Variants in ADCY2 observed in about 807,000 individuals in gnomAD.
The protein encoded by ADCY2 is adenylate cyclase 2.
ADCY2 carries 31 observed loss-of-function variants against 125.2 expected under a neutral mutation model. That is an observed-to-expected ratio of 0.25 (90% CI 0.19 to 0.33). The LOEUF (loss-of-function observed/expected upper bound fraction) is 0.33. Among genes scored for constraint, ADCY2 ranks in the 10% least tolerant of loss-of-function variants. The pLI, the probability that ADCY2 is intolerant of heterozygous loss-of-function variation, is 1.00. For missense variants in ADCY2, 904 were observed against 1,418.2 expected, an observed-to-expected ratio of 0.64 and a Z score of 5.82; for synonymous variants, 512 against 548.4, an observed-to-expected ratio of 0.93 and a Z score of 0.93.
chr5:7,430,109 A>G (rs1211186619), intron 2 of ADCY2, among the ~76,000 whole-genome samples: 2 of 152,176 alleles, frequency 1.3e-5, no homozygotes, highest in Non-Finnish European at 2.9e-5. Flanking sequence ...CACAATATAG[A>G]TAAAATGGGC....
At chr5:7,513,424 T>G (rs1744145378) in intron 2 of ADCY2, among the ~76,000 whole-genome samples, 1 of 152,222 alleles carries the variant, frequency 6.6e-6, no homozygotes, top group South Asian at 2.1e-4. Context: ...TTGCAGATTT[T>G]GTTATCGAAA....
intron 19 of ADCY2, among the ~76,000 whole-genome samples, chr5:7,786,681 G>A (rs998981811): frequency 3.3e-5 from 5 of 152,180 alleles, no homozygotes; most frequent in African/African-American, 1.2e-4. Flanking sequence ...GAAAAAGAAA[G>A]AAGCTTAGTG....
At chr5:7,413,892 A>G (rs1172532437) in intron 1 of ADCY2, among the ~76,000 whole-genome samples, 2 of 152,228 alleles carry the variant, frequency 1.3e-5, no homozygotes, top group African/African-American at 2.4e-5. Flanking sequence ...GTAAAGAAAT[A>G]CATTAGTAAG....
At chr5:7,448,849 T>C (rs183165509) in intron 2 of ADCY2, among the ~76,000 whole-genome samples, 1 of 152,370 alleles carries the variant, frequency 6.6e-6, no homozygotes, top group African/African-American at 2.4e-5. Flanking sequence ...GGTGTATATG[T>C]ACCACATTTT....
chr5:7,705,587 AGC>A (rs1202073014), intron 7 of ADCY2, among the ~76,000 whole-genome samples: 1 of 152,010 alleles, frequency 6.6e-6, no homozygotes. Flanking sequence ...GTGCTTGCAC[AGC>A]CACAGCCTGC....
chr5:7,460,578 G>C (rs1741882004), intron 2 of ADCY2, among the ~76,000 whole-genome samples: 1 of 152,188 alleles, frequency 6.6e-6, no homozygotes, highest in Admixed American at 6.5e-5. Context: ...TATTAATTCA[G>C]TAGCCGTGGT....
chr5:7,691,226 CTT>C (rs1740692879), intron 5 of ADCY2: 1 of 154,678 alleles, frequency 6.5e-6, no homozygotes, highest in African/African-American at 2.4e-5. Context: ...TCCAAATAGA[CTT>C]TGCAGGAGCA....
chr5:7,676,906 T>C (rs1740145079), intron 4 of ADCY2, among the ~76,000 whole-genome samples: 1 of 152,156 alleles, frequency 6.6e-6, no homozygotes, highest in African/African-American at 2.4e-5. Context: ...AAACTGGACT[T>C]GAAGTTGGAG....
At chr5:7,741,584 C>CA (rs1742409064) in intron 14 of ADCY2, among the ~76,000 whole-genome samples, 1 of 107,212 alleles carries the variant, frequency 9.3e-6, no homozygotes. Flanking sequence ...ATCACCATCC[C>CA]TATCACCATC....
intron 2 of ADCY2, among the ~76,000 whole-genome samples, chr5:7,418,017 T>G (rs1427978204): frequency 6.6e-6 from 1 of 152,318 alleles, no homozygotes; most frequent in East Asian, 1.9e-4. Context: ...ATGTATTTTG[T>G]TTTTTTGACA....
chr5:7,439,125 G>A (rs879527184), intron 2 of ADCY2, among the ~76,000 whole-genome samples: 12 of 152,300 alleles, frequency 7.9e-5, no homozygotes, highest in Non-Finnish European at 1.5e-4. Context: ...ACTTTCTTAC[G>A]TATGATCTTT....
intron 2 of ADCY2, among the ~76,000 whole-genome samples, chr5:7,501,408 G>C (rs1420503160): frequency 6.6e-6 from 1 of 152,154 alleles, no homozygotes; most frequent in African/African-American, 2.4e-5. Flanking sequence ...AAATTATTAA[G>C]ATATTGATGC....
chr5:7,495,128 G>A (rs919633174), intron 2 of ADCY2, among the ~76,000 whole-genome samples: 1 of 152,208 alleles, frequency 6.6e-6, no homozygotes, highest in Non-Finnish European at 1.5e-5. Flanking sequence ...ACTATCTTTA[G>A]TGCAGTCTAG....
chr5:7,716,556 T>C (rs970216452), intron 11 of ADCY2, among the ~76,000 whole-genome samples: 1 of 152,228 alleles, frequency 6.6e-6, no homozygotes, highest in Non-Finnish European at 1.5e-5. Flanking sequence ...ATCTTTACTA[T>C]CCCAAAAACT....
intron 2 of ADCY2, among the ~76,000 whole-genome samples, chr5:7,456,930 T>G (rs755774824): frequency 3.3e-5 from 5 of 152,210 alleles, no homozygotes; most frequent in African/African-American, 9.6e-5. Flanking sequence ...CGCTTGTTTG[T>G]AGAAAACAGT....
At chr5:7,816,163 CAT>C (rs1463702331) in intron 22 of ADCY2, among the ~76,000 whole-genome samples, 1 of 152,198 alleles carries the variant, frequency 6.6e-6, no homozygotes, top group Non-Finnish European at 1.5e-5. Flanking sequence ...AGGACTTTAA[CAT>C]ATGAACTTGG....
intron 16 of ADCY2, among the ~76,000 whole-genome samples, chr5:7,760,144 A>G (rs1266621610): frequency 6.6e-6 from 1 of 152,260 alleles, no homozygotes; most frequent in Non-Finnish European, 1.5e-5. Flanking sequence ...AGGAACCTGG[A>G]CAGAGAGAGA....
chr5:7,677,658 C>T lies in ADCY2; in HGVS notation c.721-13033C>T, dbSNP rs528491039. ...TGGCCAGAAAGACATGTCACTGGGG[C>T]CAGCTTGTAGGGTCAGCCCACCTTC... On this transcript the variant is annotated intron_variant, in intron 4 of 24. Coordinates refer to ENST00000338316, the MANE Select transcript of ADCY2 (RefSeq NM_020546.3). Among the ~76,000 whole-genome samples the T allele has an allele frequency of 3.9e-5, 6 of 152,266 alleles. No individual in the cohort carries two copies. In the East Asian group the frequency reaches 9.6e-4, roughly 24 times the overall value.
chr5:7,582,758 A>C (rs1177478633), intron 3 of ADCY2, among the ~76,000 whole-genome samples: 1 of 152,142 alleles, frequency 6.6e-6, no homozygotes, highest in East Asian at 1.9e-4. Context: ...ATATGAGAAA[A>C]ATAAAACTAA....
Sources: gnomAD v4.1 joint callset for allele counts (sites outside exome capture counted in the v4.1 genomes callset) on GRCh38, gnomAD v4.1.1 for gene constraint, MANE v1.5 for transcripts, NCBI Gene and HGNC (gene_info 2026-07-23, HGNC 2026-07-21) for gene names.